Variants in NSF observed in about 807,000 individuals in gnomAD.
NSF encodes vesicle-fusing ATPase.
NSF carries 14 observed loss-of-function variants against 50.3 expected under a neutral mutation model. That is an observed-to-expected ratio of 0.28 (90% CI 0.18 to 0.44). NSF has a LOEUF of 0.44. Among genes scored for constraint, NSF ranks in the 20% least tolerant of loss-of-function variants. The pLI is 1.00. For synonymous variants in NSF, 109 were observed against 175.7 expected (o/e 0.62, Z 3.00); for missense variants, 218 against 504.3 (o/e 0.43, Z 5.44).
At chr17:46,747,749 A>C (rs541045904) in intron 17 of NSF, among the ~76,000 whole-genome samples, 1 of 152,216 alleles carries the variant, frequency 6.6e-6, no homozygotes, top group African/African-American at 2.4e-5. Context: ...AAAAACTAAG[A>C]GTAAATAAGA....
intron 15 of NSF, among the ~76,000 whole-genome samples, chr17:46,723,944 T>C (rs1194116880): frequency 6.6e-6 from 1 of 152,228 alleles, no homozygotes; most frequent in African/African-American, 2.4e-5. Flanking sequence ...ACAGTAAAAT[T>C]TTAACTCATG....
intron 15 of NSF, among the ~76,000 whole-genome samples, chr17:46,718,907 T>C (rs2058801006): frequency 1.3e-5 from 2 of 152,312 alleles, no homozygotes; most frequent in Non-Finnish European, 2.9e-5. Context: ...AGAAGTGGGA[T>C]TGCTAAGGTA....
At chr17:46,714,102 A>C in intron 15 of NSF, 116 bp downstream of exon 15, 1 of 1,060,660 alleles carries the variant, frequency 9.4e-7, no homozygotes. Context: ...TGTTCTTCTC[A>C]AGTGGAACCA....
intron 15 of NSF, among the ~76,000 whole-genome samples, chr17:46,725,712 C>T (rs1387547925): frequency 1.3e-5 from 2 of 152,034 alleles, no homozygotes; most frequent in African/African-American, 2.4e-5. Flanking sequence ...GGGTGGGGAT[C>T]GGGTTTACTA....
chr17:46,728,811 A>T, intron 16 of NSF, 44 bp from the exon 17 acceptor site: 1 of 1,302,786 alleles, frequency 7.7e-7, no homozygotes, highest in Non-Finnish European at 1.1e-6. Flanking sequence ...TGGAATATGT[A>T]CATGTGTATC....
At chr17:46,735,479 A>T (rs1431052254) in intron 17 of NSF, among the ~76,000 whole-genome samples, 1 of 151,988 alleles carries the variant, frequency 6.6e-6, no homozygotes, top group Non-Finnish European at 1.5e-5. Flanking sequence ...AAAAAAAAAA[A>T]AGAAACCTAT....
chr17:46,712,951 A>G (rs1227076991), intron 14 of NSF, among the ~76,000 whole-genome samples: 1 of 152,206 alleles, frequency 6.6e-6, no homozygotes, highest in South Asian at 2.1e-4. Context: ...GTTGGGTTTG[A>G]TGACATGGAG....
intron 9 of NSF, among the ~76,000 whole-genome samples, chr17:46,684,741 AT>A (rs1273184046): frequency 7.1e-6 from 1 of 141,068 alleles, no homozygotes; most frequent in Non-Finnish European, 1.5e-5. Flanking sequence ...TGGTTTAAAG[AT>A]TTAAATGTAA....
intron 19 of NSF, among the ~76,000 whole-genome samples, chr17:46,752,750 C>A (rs573706511): frequency 6.6e-6 from 1 of 152,198 alleles, no homozygotes; most frequent in East Asian, 1.9e-4. Context: ...ACCACTATGC[C>A]TGGCCCTCGG....
At position 46,737,185 on chromosome 17, in the gene NSF, A is replaced by G. The variant is rs572004890; in HGVS notation, c.1908+8251A>G. ...GCTCATAGTCCAAGAACACTGTTCA[A>G]TTGTGAAGTTTGTGCACAAGGTGGG... On this transcript the variant is annotated intron_variant, in intron 17 of 20. Transcript: ENST00000398238. Among the ~76,000 whole-genome samples the G allele has an allele frequency of 3.3e-5, 5 of 152,344 alleles. No individual in the cohort carries two copies. In the South Asian group the frequency reaches 1.0e-3, roughly 32 times the overall value.
intron 17 of NSF, among the ~76,000 whole-genome samples, chr17:46,730,027 T>C (rs1455648748): frequency 6.6e-6 from 1 of 152,144 alleles, no homozygotes; most frequent in Non-Finnish European, 1.5e-5. Flanking sequence ...GAGGTGAGTG[T>C]ATTTTCCCTT....
chr17:46,730,074 C>T (rs1453065058), intron 17 of NSF, among the ~76,000 whole-genome samples: 1 of 151,968 alleles, frequency 6.6e-6, no homozygotes, highest in Non-Finnish European at 1.5e-5. Flanking sequence ...AGTAAGTAAA[C>T]GTATATATCT....
chr17:46,722,104 C>T (rs927073815), intron 15 of NSF: 4 of 1,611,568 alleles, frequency 2.5e-6, no homozygotes, highest in Middle Eastern at 2.2e-4. Context: ...GGGAGATGGC[C>T]GGACTCGAAC....
chr17:46,709,254 C>T (rs2058693578), intron 13 of NSF, among the ~76,000 whole-genome samples: 1 of 151,826 alleles, frequency 6.6e-6, no homozygotes, highest in Non-Finnish European at 1.5e-5. Context: ...AAAAGTAACT[C>T]CAAGATTTTT....
At chr17:46,691,482 C>A (rs2058545831) in intron 9 of NSF, among the ~76,000 whole-genome samples, 1 of 132,310 alleles carries the variant, frequency 7.6e-6, no homozygotes. Context: ...ACAATCCCAG[C>A]TACTCAGGAA....
intron 19 of NSF, among the ~76,000 whole-genome samples, chr17:46,752,551 G>T (rs1026543102): frequency 1.3e-5 from 2 of 152,104 alleles, no homozygotes; most frequent in African/African-American, 2.4e-5. Flanking sequence ...GACCTCGCAG[G>T]CTCAGGCGTT....
chr17:46,733,528 A>G (rs7212013), intron 17 of NSF, among the ~76,000 whole-genome samples: 7,041 of 152,252 alleles, frequency 0.046, 537 homozygotes, highest in African/African-American at 0.16. Flanking sequence ...TGTATGTAAC[A>G]GGGTAGCCTC....
At chr17:46,687,753 T>A (rs1437294009) in intron 9 of NSF, among the ~76,000 whole-genome samples, 1 of 129,436 alleles carries the variant, frequency 7.7e-6, no homozygotes, top group African/African-American at 3.0e-5. Flanking sequence ...TTTCAGTCTG[T>A]CATGATAGTA....
intron 15 of NSF, among the ~76,000 whole-genome samples, chr17:46,714,260 A>T (rs1402166740): frequency 6.6e-6 from 1 of 152,210 alleles, no homozygotes; most frequent in Non-Finnish European, 1.5e-5. Flanking sequence ...ATTTGATTAA[A>T]AGAGTTATAG....
Sources: allele counts gnomAD v4.1 joint callset (sites outside exome capture counted in the v4.1 genomes callset), GRCh38; gene constraint gnomAD v4.1.1; transcripts MANE v1.5; gene names NCBI Gene and HGNC (gene_info 2026-07-23, HGNC 2026-07-21).